The following DNTTIP2 variants were observed in gnomAD, a reference collection of about 807,000 sequenced individuals.
DNTTIP2 encodes deoxynucleotidyltransferase terminal interacting protein 2.
A neutral mutation model predicts 62.4 loss-of-function variants in DNTTIP2; 47 were observed. The ratio of observed to expected loss-of-function variants is 0.75; its 90% CI spans 0.60 to 0.96. DNTTIP2 has a LOEUF of 0.96. Ranked by LOEUF, DNTTIP2 falls within the 40% of genes least tolerant of loss-of-function variation. The pLI, the probability that DNTTIP2 is intolerant of heterozygous loss-of-function variation, is 0.00. For synonymous variants in DNTTIP2, 322 were observed against 300.9 expected (o/e 1.07, Z -0.73); for missense variants, 870 against 849.1 (o/e 1.02, Z -0.31).
At chr1:93,873,043 T>G in intron 4 of DNTTIP2, 76 bp downstream of exon 4, 1 of 982,430 alleles carries the variant, frequency 1.0e-6, no homozygotes, top group East Asian at 2.5e-5. Flanking sequence ...ACAGTTTAAT[T>G]GTGCAGTTAT....
rs1284000652 is a variant in DNTTIP2 at position 93,867,763 on chromosome 1, G to GTCCT, written c.*2084_*2087dup. ...AAAGGATACAATTCTCTCATACTGGGTCCTTATTTTATCCAGTAGAAGGCA... is the reference window on the plus strand; with the variant it reads ...AAAGGATACAATTCTCTCATACTGGGTCCTTCCTTATTTTATCCAGTAGAAGGCA... On this transcript the variant is annotated 3_prime_UTR_variant, in exon 7 of 7. Transcript: ENST00000436063. 1.3e-5 allele frequency: 2 copies of GTCCT among 151,756 alleles called. No homozygotes were observed. The highest frequency in any genetic ancestry group is 2.9e-5 in the Non-Finnish European group (2 of 67,988). The allele number at this position is 151,756 out of a possible 1,614,324, so 9.4% of individuals were successfully genotyped here. A position where few individuals can be genotyped will look rare whatever the true frequency, so the allele number is the denominator to read the frequency against.
intron 3 of DNTTIP2, among the ~76,000 whole-genome samples, chr1:93,874,065 T>C (rs1197321825): frequency 6.6e-6 from 1 of 152,232 alleles, no homozygotes; most frequent in Non-Finnish European, 1.5e-5. Flanking sequence ...TGTTTCTGTG[T>C]GGTATAGGTA....
At position 93,877,738 on chromosome 1, in the gene DNTTIP2, T is replaced by C. The variant is rs143308694; in HGVS notation, c.197A>G (p.Lys66Arg). 73 of 1,613,820 alleles carry C rather than the reference T, an allele frequency of 4.5e-5. No homozygotes were observed. In the African/African-American group the frequency reaches 6.8e-4, roughly 15 times the overall value. The part of the protein sequence containing the change: ...SLIPRTPKAR[K>R]RKSRTTGSLP... ...TGAGCCTGTAGTTCTGCTCTTCCTC[T>C]TTCTAGCTTTAGGAGTTCTAGGGAT... Residue 66 changes from lysine to arginine, a missense_variant, in exon 2 of 7, where the codon AAG becomes AGG. Physicochemically the swap from Lys to Arg is conservative, Grantham distance 26. Coordinates refer to ENST00000436063, the MANE Select transcript of DNTTIP2 (RefSeq NM_014597.5).
At chr1:93,872,711 CCTA>C (rs562684762) in intron 4 of DNTTIP2, among the ~76,000 whole-genome samples, 167 of 152,240 alleles carry the variant, frequency 1.1e-3, no homozygotes, top group African/African-American at 3.8e-3. Flanking sequence ...TTAGAAAACT[CCTA>C]CAAGTTATTT....
In DNTTIP2 at chr1:93,870,741, TG is replaced by T; in HGVS notation, c.2118del (p.Lys707ArgfsTer98). ...NPADFYHSRI[P>X]KKQRKRTIVE... ...ACAATAGTTCTTTTCCTTTGCTTCT[TG>T]GGAATTCGTGAATGGTAGAAATCAG... On this transcript the variant is annotated frameshift_variant, in exon 6 of 7. Transcript: ENST00000436063. LOFTEE classifies it high-confidence loss of function. 1 of 1,574,310 alleles carries T rather than the reference TG, an allele frequency of 6.4e-7. No homozygotes were observed. Among genetic ancestry groups the T allele is most frequent in the South Asian group, 1.2e-5 (1 of 84,840 alleles).
rs1358202111 is a variant in DNTTIP2 at position 93,867,713 on chromosome 1, G to T, written c.*2138C>A. Reference sequence around the variant, plus strand: ...CTTCATCCATTATTTAAATATCCAGGTATTTGTAGAAGGCCAGAAGCACTA... The same window carrying T: ...CTTCATCCATTATTTAAATATCCAGTTATTTGTAGAAGGCCAGAAGCACTA... On this transcript the variant is annotated 3_prime_UTR_variant, in exon 7 of 7. Transcript: ENST00000436063. 1 of 151,990 alleles carries T rather than the reference G, an allele frequency of 6.6e-6. No homozygotes were observed. The highest frequency in any genetic ancestry group is 2.4e-5 in the African/African-American group (1 of 41,368). 9.4% of individuals were successfully genotyped at this position (151,990 alleles called of 1,614,324 possible). A position where few individuals can be genotyped will look rare whatever the true frequency, so the allele number is the denominator to read the frequency against.
chr1:93,871,380 G>A (rs912928312), intron 5 of DNTTIP2, among the ~76,000 whole-genome samples: 13 of 152,288 alleles, frequency 8.5e-5, no homozygotes, highest in African/African-American at 2.6e-4. Context: ...CACTATAGAC[G>A]CTCTGAAGAC....
In DNTTIP2 at chr1:93,877,507, G is replaced by T; in HGVS notation, c.428C>A (p.Ala143Glu). ...AGAAATACCTGAAACATGAGATTCT[G>T]CTTCAGACACTATTTCTTCAGTGTA... Reference protein sequence around the residue: ...ESYTEEIVSEAESHVSGISRI... With the variant: ...ESYTEEIVSEEESHVSGISRI... The change falls in exon 2 of 7, where the codon GCA (alanine) becomes GAA (glutamate). Residue 143 changes from alanine (A) to glutamate (E), a missense_variant. Coordinates refer to ENST00000436063, the MANE Select transcript of DNTTIP2 (RefSeq NM_014597.5). 6.2e-7 allele frequency: 1 copy of T among 1,613,982 alleles called. No individual in the cohort carries two copies. Among genetic ancestry groups the T allele is most frequent in the Non-Finnish European group, 8.5e-7 (1 of 1,179,894 alleles).
Position 93,877,710 on chromosome 1 carries a change from T to C in DNTTIP2, c.225A>G (p.Leu75=), listed in dbSNP as rs532701938. The change falls in exon 2 of 7, where the codon CTA becomes CTG. Residue 75 remains leucine, a synonymous_variant. Coordinates refer to ENST00000436063, the MANE Select transcript of DNTTIP2 (RefSeq NM_014597.5). ...RKRKSRTTGS[L]PKGTEPSTDG... is the part of the protein sequence containing the mutation. The stretch of plus-strand genomic sequence containing the variant: ...CCGTAGATGGTTCAGTCCCCTTTGG[T>C]AGTGAGCCTGTAGTTCTGCTCTTCC... 78 of 1,613,954 alleles carry C rather than the reference T, an allele frequency of 4.8e-5. No individual in the cohort carries two copies. In the Admixed American group the frequency reaches 8.3e-4, roughly 17 times the overall value.
chr1:93,871,922 C>T, intron 5 of DNTTIP2, 150 bp downstream of exon 5: 1 of 814,096 alleles, frequency 1.2e-6, no homozygotes, highest in Non-Finnish European at 1.9e-6. Flanking sequence ...GGGTAATGGC[C>T]ATTCTTATAT....
rs189693434 is a variant in DNTTIP2 at position 93,872,584 on chromosome 1, C to T, written c.1903-348G>A. Among the ~76,000 whole-genome samples the T allele has an allele frequency of 3.1e-3, 472 of 152,244 alleles. 2 individuals carry two copies. The highest frequency in any genetic ancestry group is 0.011 in the African/African-American group (450 of 41,554). Reference sequence around the variant, plus strand: ...GTAAGAAAATGTATAAAAACACTTTCGTTTCTAGAGCTTATATGTAAACAT... The same window carrying T: ...GTAAGAAAATGTATAAAAACACTTTTGTTTCTAGAGCTTATATGTAAACAT... On this transcript the variant is annotated intron_variant, in intron 4 of 6. Transcript: ENST00000436063.
chr1:93,873,320 G>A, intron 3 of DNTTIP2, 106 bp from the exon 4 acceptor site: 2 of 784,068 alleles, frequency 2.6e-6, no homozygotes, highest in East Asian at 3.1e-5. Flanking sequence ...GCCTGGCAAA[G>A]TGGCTCACAC....
chr1:93,874,776 G>A (rs1037930291), intron 3 of DNTTIP2, among the ~76,000 whole-genome samples: 6 of 152,132 alleles, frequency 3.9e-5, no homozygotes, highest in African/African-American at 1.4e-4. Context: ...TTATAGATGT[G>A]AGCTACCTTG....
rs1345469475 is a variant in DNTTIP2, at chr1:93,876,664, G to C, written c.1271C>G (p.Thr424Ser). 1.2e-6 allele frequency: 2 copies of C among 1,613,986 alleles called. No individual in the cohort carries two copies. ...GTTGGGCGCAGACGTGTATAGTTTG[G>C]TATCACATTCAAAATCTACATTCCC... ...SEGNVDFECD[T>S]KLYTSAPNTS... Residue 424 changes from threonine (T) to serine (S), a missense_variant, in exon 2 of 7, where the codon ACC becomes AGC. Coordinates refer to ENST00000436063, the MANE Select transcript of DNTTIP2 (RefSeq NM_014597.5).
At chr1:93,873,722 A>G (rs555900585) in intron 3 of DNTTIP2, among the ~76,000 whole-genome samples, 1 of 152,316 alleles carries the variant, frequency 6.6e-6, no homozygotes, top group South Asian at 2.1e-4. Flanking sequence ...ACTTGAGGCC[A>G]GGAGTTCAAG....
intron 3 of DNTTIP2, among the ~76,000 whole-genome samples, chr1:93,873,827 G>C (rs1242681654): frequency 6.6e-6 from 1 of 152,110 alleles, no homozygotes; most frequent in Non-Finnish European, 1.5e-5. Flanking sequence ...AATGATTTCT[G>C]TACTTTTGTT....
At position 93,870,784 on chromosome 1, in the gene DNTTIP2, G is replaced by C; in HGVS notation, c.2076C>G (p.Thr692=). The C allele has an allele frequency of 1.9e-6, 3 of 1,542,842 alleles. No homozygotes were observed. The highest frequency in any genetic ancestry group is 2.6e-6 in the Non-Finnish European group (3 of 1,138,284). ...AGAAATCAGCTGGATTGTCAACAAT[G>C]GTTCCAATCTGTGAACAATTGATTG... ...DGFPKYFQIG[T]IVDNPADFYH... is the part of the protein sequence containing the mutation. The change falls in exon 6 of 7, where the codon ACC becomes ACG. Residue 692 remains threonine (T), a synonymous_variant. Transcript: ENST00000436063.
In DNTTIP2 at chr1:93,875,755, G is replaced by T; in HGVS notation, c.1696C>A (p.Pro566Thr). Residue 566 changes from proline to threonine, a missense_variant, in exon 3 of 7, where the codon CCT becomes ACT. By Grantham distance (38) the Pro-to-Thr change is conservative. Transcript: ENST00000436063. Reference protein sequence around the residue: ...LLKLTSSSIDPGLSIKQLGGL... With the variant: ...LLKLTSSSIDTGLSIKQLGGL... ...CCCAACTGCTTGATACTCAGACCAG[G>T]GTCTATGCTGCTGCTTGTCAACTTC... The T allele has an allele frequency of 6.2e-7, 1 of 1,611,130 alleles. No individual in the cohort carries two copies. Among genetic ancestry groups the T allele is most frequent in the Non-Finnish European group, 8.5e-7 (1 of 1,179,208 alleles).
chr1:93,875,000 G>A (rs4847264), intron 3 of DNTTIP2, among the ~76,000 whole-genome samples: 1 of 151,872 alleles, frequency 6.6e-6, no homozygotes, highest in East Asian at 1.9e-4. Flanking sequence ...GGAAAAGAGA[G>A]TTTGGTTTCA....
Sources: allele counts gnomAD v4.1 joint callset (sites outside exome capture counted in the v4.1 genomes callset), GRCh38; gene constraint gnomAD v4.1.1; transcripts MANE v1.5; gene names NCBI Gene and HGNC (gene_info 2026-07-23, HGNC 2026-07-21).